Variants in RECQL5 observed in about 807,000 individuals in gnomAD.
RECQL5 encodes the protein ATP-dependent DNA helicase Q5.
RECQL5 carries 88 observed loss-of-function variants against 103.4 expected under a neutral mutation model. The observed-to-expected ratio is 0.85, with a 90% CI of 0.72 to 1.02. The LOEUF (loss-of-function observed/expected upper bound fraction) is 1.02. Ranked by LOEUF, RECQL5 falls within the 50% of genes least tolerant of loss-of-function variation. The probability of loss-of-function intolerance (pLI) is 0.00; values close to 1 mark genes in which losing one functional copy is unlikely to be tolerated. For synonymous variants in RECQL5, 552 were observed against 507.9 expected, an observed-to-expected ratio of 1.09 and a Z score of -1.17; for missense variants, 1,232 against 1,284.3, an observed-to-expected ratio of 0.96 and a Z score of 0.62.
At chr17:75,646,282 C>G (rs1374987393) in intron 8 of RECQL5, 1 of 152,424 alleles carries the variant, frequency 6.6e-6, no homozygotes, top group Non-Finnish European at 1.5e-5. Context: ...GTGAGCCCTA[C>G]GCCAGTCCCA....
At chr17:75,664,972 T>G in intron 3 of RECQL5, 79 bp downstream of exon 3, 7 of 1,389,486 alleles carry the variant, frequency 5.0e-6, no homozygotes, top group Non-Finnish European at 5.7e-6. Flanking sequence ...AAAAGACCAA[T>G]AGAGAAGTGA....
rs758884288 is a variant in RECQL5, at chr17:75,628,869, C to A, written c.2489+65G>T. On this transcript the variant is annotated intron_variant, in intron 16 of 19. Transcript: ENST00000317905. The stretch of plus-strand genomic sequence containing the variant: ...GGGGTGAGCTCTGAGCTTCAGACGC[C>A]CAGTGAGCAAAGGGGATGCTGCCGT... 1.9e-6 allele frequency: 3 copies of A among 1,585,962 alleles called. No homozygotes were observed. In the Admixed American group the frequency reaches 6.1e-5, roughly 32 times the overall value.
intron 8 of RECQL5, chr17:75,650,127 A>T (rs2059536564): frequency 1.0e-6 from 1 of 986,258 alleles, no homozygotes. Context: ...AAGAAGCCTA[A>T]GAAGGCCAAA....
Position 75,631,508 on chromosome 17 carries a change from T to TC in RECQL5, c.1389dup (p.Asn464GlufsTer4). 6.2e-7 allele frequency: 1 copy of TC among 1,613,236 alleles called. No individual in the cohort carries two copies. On this transcript the variant is annotated frameshift_variant, in exon 9 of 20. Transcript: ENST00000317905. LOFTEE classifies it high-confidence loss of function. ...TCATACAGCTCGGGGTCAAAGCCGT[T>TC]CCCCTGGGAGGGCCCGATGCAGGTC...
rs545767779 is a variant in RECQL5 at position 75,629,842 on chromosome 17, C to T, written c.1813G>A (p.Val605Met). The change falls in exon 15 of 20, where the codon GTG becomes ATG. Residue 605 changes from valine (V) to methionine (M), a missense_variant and splice_region_variant. Coordinates refer to ENST00000317905, the MANE Select transcript of RECQL5 (RefSeq NM_004259.7). The stretch of plus-strand genomic sequence containing the variant: ...TTGGAGGCTCTGTGGATATCGGCCA[C>T]CTGGGCAGGGATAGGCAGGGAGGCT... ...NLYKASVLKK[V>M]ADIHRASKDG... 8.6e-5 allele frequency: 138 copies of T among 1,603,296 alleles called. No individual in the cohort carries two copies. In the South Asian group the frequency reaches 1.4e-3, roughly 16 times the overall value.
intron 7 of RECQL5, among the ~76,000 whole-genome samples, chr17:75,655,738 G>T (rs2059611843): frequency 6.6e-6 from 1 of 151,996 alleles, no homozygotes; most frequent in South Asian, 2.1e-4. Flanking sequence ...TCCACTCCAT[G>T]GTATGATCTC....
chr17:75,647,321 A>G, intron 8 of RECQL5: 2 of 1,467,984 alleles, frequency 1.4e-6, no homozygotes, highest in Non-Finnish European at 1.8e-6. Flanking sequence ...CACCTGGGAC[A>G]GGGCCTGGGA....
At position 75,662,550 on chromosome 17, in the gene RECQL5, G is replaced by T; in HGVS notation, c.700C>A (p.Leu234Met). The T allele has an allele frequency of 6.2e-7, 1 of 1,614,202 alleles. No homozygotes were observed. Among genetic ancestry groups the T allele is most frequent in the East Asian group, 2.2e-5 (1 of 44,878 alleles). ...NLFYDVQFKE[L>M]ISDPYGNLKD... ...AGGTTCCCATAGGGATCAGAAATCA[G>T]TTCCTTGAATTGCACATCATAGAAG... is the stretch of plus-strand genomic sequence containing the variant. Residue 234 changes from leucine to methionine, a missense_variant, in exon 4 of 20, where the codon CTG (leucine) becomes ATG (methionine). Physicochemically the swap from Leu to Met is conservative, Grantham distance 15 (BLOSUM62 2). Transcript: ENST00000317905.
intron 7 of RECQL5, among the ~76,000 whole-genome samples, chr17:75,651,895 G>A (rs937045156): frequency 1.3e-5 from 2 of 152,070 alleles, no homozygotes; most frequent in Non-Finnish European, 2.9e-5. Flanking sequence ...TATATTGGAG[G>A]GAGATATATT....
intron 6 of RECQL5, among the ~76,000 whole-genome samples, 155 bp from the exon 7 acceptor site, chr17:75,658,615 A>G (rs951143006): frequency 6.6e-6 from 1 of 152,184 alleles, no homozygotes; most frequent in African/African-American, 2.4e-5. Flanking sequence ...GTAGCCCATC[A>G]GCACGTCTCC....
chr17:75,659,609 CT>C (rs2059672596), intron 6 of RECQL5, among the ~76,000 whole-genome samples: 1 of 152,184 alleles, frequency 6.6e-6, no homozygotes, highest in Non-Finnish European at 1.5e-5. Context: ...CCATCTGGTC[CT>C]CCCAAAGTGC....
intron 5 of RECQL5, 65 bp downstream of exon 5, chr17:75,661,541 G>T (rs2059699229): frequency 2.6e-6 from 3 of 1,133,282 alleles, no homozygotes; most frequent in Admixed American, 1.9e-5. Context: ...GATCTGTAAA[G>T]AACAAGAGAC....
chr17:75,647,827 A>G, intron 8 of RECQL5: 1 of 395,360 alleles, frequency 2.5e-6, no homozygotes, highest in East Asian at 4.6e-5. Flanking sequence ...CTAAAAGCAC[A>G]TGGAGAGGAT....
Position 75,627,196 on chromosome 17 carries a change from T to C in RECQL5, c.*226A>G. On this transcript the variant is annotated 3_prime_UTR_variant, in exon 20 of 20. Transcript: ENST00000317905. ...ACATGTGTCCCAGAAAACCCAGCCA[T>C]GAGGACCGCTCTGAGAAGGGTCTAT... is the stretch of plus-strand genomic sequence containing the variant. 1.5e-6 allele frequency: 1 copy of C among 645,308 alleles called. No individual in the cohort carries two copies. Among genetic ancestry groups the C allele is most frequent in the East Asian group, 3.1e-5 (1 of 32,522 alleles). 40.0% of individuals were successfully genotyped at this position (645,308 alleles called of 1,614,324 possible). A position where few individuals can be genotyped will look rare whatever the true frequency, so the allele number is the denominator to read the frequency against.
intron 8 of RECQL5, 193 bp downstream of exon 8, chr17:75,650,993 G>C: frequency 6.6e-7 from 1 of 1,506,560 alleles, no homozygotes. Context: ...TCCCCACACT[G>C]CGAGAGATCC....
Position 75,627,478 on chromosome 17 carries a change from G to C in RECQL5, c.2920C>G (p.Arg974Gly), listed in dbSNP as rs555807142. The change falls in exon 20 of 20, where the codon CGG (arginine) becomes GGG (glycine). Residue 974 changes from arginine to glycine, a missense_variant. Physicochemically the swap from Arg to Gly is moderately radical, Grantham distance 125 (BLOSUM62 -2). Coordinates refer to ENST00000317905, the MANE Select transcript of RECQL5 (RefSeq NM_004259.7). ...TCAGCTTCGCTCTCGCACCGGGCCC[G>C]GCCATGGAAGAAGTGCCTGATGAGG... Reference protein sequence around the residue: ...QNLIRHFFHGRARCESEADWH... With the variant: ...QNLIRHFFHGGARCESEADWH... The C allele has an allele frequency of 1.2e-6, 2 of 1,613,844 alleles. No individual in the cohort carries two copies. Among genetic ancestry groups the C allele is most frequent in the East Asian group, 2.2e-5 (1 of 44,870 alleles).
At chr17:75,657,106 C>T (rs1474909412) in intron 7 of RECQL5, among the ~76,000 whole-genome samples, 5 of 152,116 alleles carry the variant, frequency 3.3e-5, no homozygotes, top group Non-Finnish European at 7.4e-5. Context: ...CGGTGGCTCA[C>T]GCCTGTAATC....
In RECQL5 at chr17:75,640,190, A is replaced by G; in HGVS notation, c.1230-8522T>C. On this transcript the variant is annotated intron_variant, in intron 8 of 19. Coordinates refer to ENST00000317905, the MANE Select transcript of RECQL5 (RefSeq NM_004259.7). This position sits in a 1 kb window ranked among gnomAD's most constrained non-coding sequence, Gnocchi z 4.6. The stretch of plus-strand genomic sequence containing the variant: ...GAGCCCGGCAGGAGCCCCAACAGGA[A>G]GCCAGCGCGGCATGGCTGCCACCGA... The G allele has an allele frequency of 6.5e-7, 1 of 1,542,142 alleles. No homozygotes were observed. The highest frequency in any genetic ancestry group is 2.4e-5 in the East Asian group (1 of 40,834).
chr17:75,657,438 A>T (rs1599049365), intron 7 of RECQL5, among the ~76,000 whole-genome samples: 1 of 152,102 alleles, frequency 6.6e-6, no homozygotes, highest in East Asian at 1.9e-4. Context: ...GACCACATAA[A>T]ATAACATGTA....
Sources: gnomAD v4.1 joint callset for allele counts (sites outside exome capture counted in the v4.1 genomes callset) on GRCh38, gnomAD v4.1.1 for gene constraint, Gnocchi (gnomAD v3.1) non-coding constraint, MANE v1.5 for transcripts, NCBI Gene and HGNC (gene_info 2026-07-23, HGNC 2026-07-21) for gene names.